Variants in RGS7 observed in about 807,000 individuals in gnomAD.
RGS7 encodes regulator of G protein signaling 7.
In RGS7, 27 loss-of-function variants were observed where a neutral mutation model predicts 81.1. The ratio of observed to expected loss-of-function variants is 0.33; its 90% CI spans 0.25 to 0.46. The LOEUF (loss-of-function observed/expected upper bound fraction) is 0.46. RGS7 is among the 20% of genes least tolerant of loss of function. RGS7 has a pLI of 1.00. For synonymous variants in RGS7, 208 were observed against 207.7 expected, an observed-to-expected ratio of 1.00 and a Z score of -0.01; for missense variants, 396 against 607.4, an observed-to-expected ratio of 0.65 and a Z score of 3.66.
At chr1:241,065,077 T>C (rs1163849663) in intron 3 of RGS7, among the ~76,000 whole-genome samples, 1 of 152,082 alleles carries the variant, frequency 6.6e-6, no homozygotes, top group Non-Finnish European at 1.5e-5. Context: ...AAGATACACC[T>C]CCACCACTTA....
chr1:241,112,727 TA>T, intron 2 of RGS7, among the ~76,000 whole-genome samples: 1 of 152,320 alleles, frequency 6.6e-6, no homozygotes, highest in Middle Eastern at 3.4e-3. Context: ...GATCAATGAG[TA>T]AACTGTAGAA....
chr1:241,311,892 A>T (rs887631480), intron 2 of RGS7, among the ~76,000 whole-genome samples: 1 of 152,220 alleles, frequency 6.6e-6, no homozygotes, highest in East Asian at 1.9e-4. Context: ...GCTACTTAAA[A>T]GGAGTATATA....
chr1:240,800,573 A>G, intron 18 of RGS7, 68 bp downstream of exon 18: 1 of 918,304 alleles, frequency 1.1e-6, no homozygotes, highest in Non-Finnish European at 1.7e-6. Flanking sequence ...ACACAGCAGC[A>G]TGGAGCTAAA....
At chr1:240,876,804 A>G (rs1665495572) in intron 6 of RGS7, among the ~76,000 whole-genome samples, 1 of 152,154 alleles carries the variant, frequency 6.6e-6, no homozygotes, top group African/African-American at 2.4e-5. Flanking sequence ...CTACTAAAAT[A>G]CAAAAAATTA....
At chr1:241,139,246 C>T (rs368368047) in intron 2 of RGS7, among the ~76,000 whole-genome samples, 79 of 149,978 alleles carry the variant, frequency 5.3e-4, no homozygotes, top group African/African-American at 1.9e-3. Context: ...CTTCTCTTTC[C>T]TTCTTTTCTT....
At chr1:241,198,259 A>G (rs543090451) in intron 2 of RGS7, among the ~76,000 whole-genome samples, 36 of 152,152 alleles carry the variant, frequency 2.4e-4, no homozygotes, top group African/African-American at 8.4e-4. Context: ...AGGCTGAAAA[A>G]TCAACGATTA....
chr1:241,190,728 C>A (rs2072576132), intron 2 of RGS7, among the ~76,000 whole-genome samples: 1 of 151,908 alleles, frequency 6.6e-6, no homozygotes, highest in East Asian at 1.9e-4. Context: ...AGATTTTTTT[C>A]ATTTTCTATA....
chr1:241,304,516 T>C (rs931494218), intron 2 of RGS7, among the ~76,000 whole-genome samples: 1 of 152,122 alleles, frequency 6.6e-6, no homozygotes, highest in Non-Finnish European at 1.5e-5. Flanking sequence ...GGTTTTATCA[T>C]AGCTGAGATG....
At position 241,233,800 on chromosome 1, in the gene RGS7, GTTTT is replaced by G. The variant is rs148344377; in HGVS notation, c.78+121895_78+121898del. ...TACGGTAGTTCTATTTTTTAGTTTA[GTTTT>G]TTTTTTTTTTTTTAAGGAAACTCCA... On this transcript the variant is annotated intron_variant, in intron 2 of 18. Coordinates refer to ENST00000440928, the MANE Select transcript of RGS7 (RefSeq NM_001364886.1). Among the ~76,000 whole-genome samples, 856 of 143,552 alleles carry G rather than the reference GTTTT, an allele frequency of 6.0e-3. 10 individuals carry two copies. The highest frequency in any genetic ancestry group is 0.019 in the African/African-American group (762 of 39,232). 94.2% of individuals were successfully genotyped at this position (143,552 alleles called of 152,430 possible). A position where few individuals can be genotyped will look rare whatever the true frequency, so the allele number is the denominator to read the frequency against.
chr1:241,344,030 A>G (rs1385359792), intron 2 of RGS7, among the ~76,000 whole-genome samples: 3 of 152,208 alleles, frequency 2.0e-5, no homozygotes, highest in Admixed American at 6.5e-5. Context: ...ATCTTCTTTA[A>G]AAGTGCCTTA....
intron 9 of RGS7, among the ~76,000 whole-genome samples, chr1:240,856,655 GAAC>G (rs1661183957): frequency 6.6e-6 from 1 of 152,042 alleles, no homozygotes; most frequent in Admixed American, 6.6e-5. Flanking sequence ...TCATGCCTCA[GAAC>G]AACATGTGGG....
chr1:240,906,657 T>C (rs1670867146), intron 6 of RGS7, among the ~76,000 whole-genome samples: 3 of 152,250 alleles, frequency 2.0e-5, no homozygotes. Context: ...GTTATCACTG[T>C]TGCTTTTATT....
At position 240,929,383 on chromosome 1, in the gene RGS7, AG is replaced by A. The variant is rs141146748; in HGVS notation, c.385+1333del. On this transcript the variant is annotated intron_variant, in intron 6 of 18. Coordinates refer to ENST00000440928, the MANE Select transcript of RGS7 (RefSeq NM_001364886.1). ...TCTTTCTCCAAGGACCTCAGTTTTGAGGAATGTGTGCCCTGGATGAAGAAAC... is the reference window on the plus strand; with the variant it reads ...TCTTTCTCCAAGGACCTCAGTTTTGAGAATGTGTGCCCTGGATGAAGAAAC... Among the ~76,000 whole-genome samples the A allele has an allele frequency of 5.0e-4, 76 of 152,336 alleles. 1 individual carries two copies. Among genetic ancestry groups the A allele is most frequent in the African/African-American group, 1.8e-3 (73 of 41,586 alleles).
At chr1:241,349,573 T>G (rs1278475843) in intron 2 of RGS7, among the ~76,000 whole-genome samples, 3 of 152,168 alleles carry the variant, frequency 2.0e-5, no homozygotes, top group African/African-American at 7.2e-5. Flanking sequence ...ACAAAGGGCA[T>G]TAAAAAGAAG....
chr1:240,886,598 CTCTT>C (rs1667373320), intron 6 of RGS7, among the ~76,000 whole-genome samples: 2 of 152,172 alleles, frequency 1.3e-5, no homozygotes, highest in African/African-American at 2.4e-5. Context: ...CTCTCCCTTT[CTCTT>C]TCTTTTTCTT....
chr1:240,844,984 A>G (rs1658805880), intron 9 of RGS7, among the ~76,000 whole-genome samples: 1 of 152,206 alleles, frequency 6.6e-6, no homozygotes, highest in South Asian at 2.1e-4. Context: ...GACAATGCCA[A>G]AGATTAAAAT....
chr1:241,086,101 C>T (rs766754647), intron 3 of RGS7, among the ~76,000 whole-genome samples: 2 of 152,136 alleles, frequency 1.3e-5, no homozygotes, highest in Non-Finnish European at 2.9e-5. Context: ...CACACAACTC[C>T]AACAGGTATC....
Position 241,274,794 on chromosome 1 carries a change from GACTATGGAAA to G in RGS7, c.78+80895_78+80904del, listed in dbSNP as rs1433113241. 5.9e-5 allele frequency among the ~76,000 whole-genome samples: 9 copies of G among 152,268 alleles called. No homozygotes were observed. In the South Asian group the frequency reaches 1.9e-3, roughly 32 times the overall value. ...AGTGTTTCCTCCCAATCTCATGATTGACTATGGAAAACTGCAAATCTAGGTTTTCCCTGGT... is the reference window on the plus strand; with the variant it reads ...AGTGTTTCCTCCCAATCTCATGATTGACTGCAAATCTAGGTTTTCCCTGGT... On this transcript the variant is annotated intron_variant, in intron 2 of 18. Coordinates refer to ENST00000440928, the MANE Select transcript of RGS7 (RefSeq NM_001364886.1).
intron 13 of RGS7, among the ~76,000 whole-genome samples, chr1:240,812,875 A>C (rs1176976533): frequency 2.6e-5 from 4 of 152,224 alleles, no homozygotes; most frequent in Non-Finnish European, 5.9e-5. Flanking sequence ...ACTGAGTCAC[A>C]ACATTTTGGG....
Sources: allele counts gnomAD v4.1 joint callset (sites outside exome capture counted in the v4.1 genomes callset), GRCh38; gene constraint gnomAD v4.1.1; transcripts MANE v1.5; gene names NCBI Gene and HGNC (gene_info 2026-07-23, HGNC 2026-07-21).